The following IQCJ variants were observed in gnomAD, a reference collection of about 807,000 sequenced individuals.
IQCJ encodes the protein IQ motif containing J.
In IQCJ, 9 loss-of-function variants were observed where a neutral mutation model predicts 11.0. The observed-to-expected ratio is 0.82, with a 90% CI of 0.49 to 1.43. The LOEUF (loss-of-function observed/expected upper bound fraction) is 1.43. IQCJ is among the 40% of genes most tolerant of loss of function. The probability of loss-of-function intolerance (pLI) is 0.00; values close to 1 mark genes in which losing one functional copy is unlikely to be tolerated. For synonymous variants in IQCJ, 55 were observed against 51.3 expected (o/e 1.07, Z -0.31); for missense variants, 146 against 133.2 (o/e 1.10, Z -0.47).
At chr3:159,181,226 C>T (rs1405730052) in intron 1 of IQCJ, among the ~76,000 whole-genome samples, 2 of 151,598 alleles carry the variant, frequency 1.3e-5, no homozygotes, top group Admixed American at 6.6e-5. Context: ...CTTCTTGGCA[C>T]CACTCTCTCC....
intron 1 of IQCJ, among the ~76,000 whole-genome samples, chr3:159,133,045 T>A (rs1182258721): frequency 6.6e-6 from 1 of 152,190 alleles, no homozygotes; most frequent in Non-Finnish European, 1.5e-5. Context: ...CTTTTCTTTT[T>A]CTTTTCTCTT....
At chr3:159,191,363 G>C (rs1221912684) in intron 1 of IQCJ, among the ~76,000 whole-genome samples, 9 of 152,118 alleles carry the variant, frequency 5.9e-5, no homozygotes, top group Admixed American at 5.9e-4. Flanking sequence ...TACAGACTGA[G>C]GACCTAAGAT....
intron 1 of IQCJ, among the ~76,000 whole-genome samples, chr3:159,164,775 C>T (rs1041982697): frequency 1.3e-5 from 2 of 152,026 alleles, no homozygotes; most frequent in Admixed American, 6.6e-5. Flanking sequence ...CCCCTCCCCC[C>T]CAAAAAAGAG....
At chr3:159,089,289 G>A (rs188413636) in intron 1 of IQCJ, among the ~76,000 whole-genome samples, 200 of 152,250 alleles carry the variant, frequency 1.3e-3, no homozygotes, top group African/African-American at 4.3e-3. Context: ...CGAAAGATCC[G>A]CTGTTAGTCT....
At chr3:159,136,454 G>A (rs1314051401) in intron 1 of IQCJ, among the ~76,000 whole-genome samples, 6 of 152,156 alleles carry the variant, frequency 3.9e-5, no homozygotes, top group Non-Finnish European at 7.4e-5. Flanking sequence ...AGGCAAAAAT[G>A]TTTGTATTAT....
intron 1 of IQCJ, among the ~76,000 whole-genome samples, chr3:159,205,494 A>T (rs1234892019): frequency 6.6e-6 from 1 of 152,186 alleles, no homozygotes; most frequent in African/African-American, 2.4e-5. Flanking sequence ...GATTGATCTC[A>T]GTCTTCAGGT....
chr3:159,137,540 C>T (rs866100130), intron 1 of IQCJ, among the ~76,000 whole-genome samples: 1 of 152,072 alleles, frequency 6.6e-6, no homozygotes. Context: ...CCTTTAAAAA[C>T]ATAAAACAAA....
chr3:159,233,306 G>A (rs1234324206), intron 1 of IQCJ, among the ~76,000 whole-genome samples: 1 of 152,160 alleles, frequency 6.6e-6, no homozygotes, highest in Non-Finnish European at 1.5e-5. Context: ...GGGGGGTCAA[G>A]AAAGGTTCCA....
chr3:159,265,218 G>T (rs76776576), downstream of IQCJ: 6 of 1,613,072 alleles, frequency 3.7e-6, no homozygotes, highest in Non-Finnish European at 5.1e-6. Flanking sequence ...TCATCAGTTT[G>T]CCAGGGCCCC....
intron 3 of IQCJ, among the ~76,000 whole-genome samples, 170 bp downstream of exon 3, chr3:159,252,977 A>G (rs1727690616): frequency 6.6e-6 from 1 of 152,174 alleles, no homozygotes; most frequent in African/African-American, 2.4e-5. Context: ...GGTACACAGC[A>G]CCATCTACTG....
chr3:159,114,780 C>G (rs1245887136), intron 1 of IQCJ, among the ~76,000 whole-genome samples: 1 of 152,232 alleles, frequency 6.6e-6, no homozygotes, highest in Non-Finnish European at 1.5e-5. Flanking sequence ...GGTTTCCAAA[C>G]TGCCAAAACA....
intron 2 of IQCJ, among the ~76,000 whole-genome samples, chr3:159,249,926 C>T (rs538408665): frequency 1.2e-3 from 182 of 151,670 alleles, no homozygotes; most frequent in African/African-American, 4.1e-3. Flanking sequence ...CACACACACA[C>T]GAGCTTAGCG....
At chr3:159,115,749 A>T (rs1718944540) in intron 1 of IQCJ, among the ~76,000 whole-genome samples, 1 of 152,164 alleles carries the variant, frequency 6.6e-6, no homozygotes, top group South Asian at 2.1e-4. Flanking sequence ...AGGGAGACCC[A>T]TCTCTAAAAA....
At chr3:159,191,572 A>C (rs1353850774) in intron 1 of IQCJ, among the ~76,000 whole-genome samples, 1 of 152,186 alleles carries the variant, frequency 6.6e-6, no homozygotes, top group Non-Finnish European at 1.5e-5. Context: ...AGCCTATATA[A>C]GGCTTTGAGT....
intron 1 of IQCJ, among the ~76,000 whole-genome samples, chr3:159,245,109 T>TAG (rs1727172225): frequency 6.6e-6 from 1 of 151,874 alleles, no homozygotes; most frequent in African/African-American, 2.4e-5. Flanking sequence ...AATTGAGGGA[T>TAG]CGTGTGTGTG....
intron 1 of IQCJ, among the ~76,000 whole-genome samples, chr3:159,191,173 G>A (rs1372050768): frequency 6.6e-6 from 1 of 152,170 alleles, no homozygotes; most frequent in Non-Finnish European, 1.5e-5. Context: ...TGCAGCCCTA[G>A]TTGGATGCAG....
intron 1 of IQCJ, among the ~76,000 whole-genome samples, chr3:159,232,125 T>C (rs759301076): frequency 3.9e-5 from 6 of 152,182 alleles, no homozygotes; most frequent in Non-Finnish European, 7.3e-5. Context: ...TTTGTGTCTC[T>C]AACTCTTTCA....
chr3:159,190,352 A>G (rs1049067397), intron 1 of IQCJ, among the ~76,000 whole-genome samples: 3 of 152,184 alleles, frequency 2.0e-5, no homozygotes, highest in Admixed American at 6.5e-5. Flanking sequence ...CTGAGCACCT[A>G]CTTCTGCCAG....
intron 1 of IQCJ, among the ~76,000 whole-genome samples, chr3:159,179,304 A>G (rs933804859): frequency 6.6e-6 from 1 of 152,110 alleles, no homozygotes; most frequent in African/African-American, 2.4e-5. Context: ...GTTTGGAACT[A>G]TTGGTTTTGA....
Sources: gnomAD v4.1 joint callset for allele counts (sites outside exome capture counted in the v4.1 genomes callset) on GRCh38, gnomAD v4.1.1 for gene constraint, MANE v1.5 for transcripts, NCBI Gene and HGNC (gene_info 2026-07-23, HGNC 2026-07-21) for gene names.